The following ROR2 variants were observed in gnomAD, a reference collection of about 807,000 sequenced individuals.
The protein encoded by ROR2 is tyrosine-protein kinase transmembrane receptor ROR2.
In ROR2, 33 loss-of-function variants were observed where a neutral mutation model predicts 74.9. The ratio of observed to expected loss-of-function variants is 0.44; its 90% CI spans 0.33 to 0.59. The LOEUF is 0.59. Ranked by LOEUF, ROR2 falls within the 20% of genes least tolerant of loss-of-function variation. The probability of loss-of-function intolerance (pLI) is 0.02; values close to 1 mark genes in which losing one functional copy is unlikely to be tolerated. For synonymous variants in ROR2, 586 were observed against 558.7 expected, an observed-to-expected ratio of 1.05 and a Z score of -0.69; for missense variants, 1,216 against 1,313.8, an observed-to-expected ratio of 0.93 and a Z score of 1.15.
chr9:91,875,043 C>T (rs1829918316), intron 1 of ROR2, among the ~76,000 whole-genome samples: 2 of 152,092 alleles, frequency 1.3e-5, no homozygotes, highest in Non-Finnish European at 1.5e-5. Context: ...CTTACATGAT[C>T]TAAATGGAAC....
At chr9:91,807,322 G>A (rs1038080508) in intron 1 of ROR2, among the ~76,000 whole-genome samples, 8 of 152,220 alleles carry the variant, frequency 5.3e-5, no homozygotes, top group South Asian at 2.1e-4. Flanking sequence ...ACTCATCCAC[G>A]TGCTGGGAGG....
intron 4 of ROR2, among the ~76,000 whole-genome samples, chr9:91,750,561 A>G (rs1445042175): frequency 1.3e-5 from 2 of 152,218 alleles, no homozygotes; most frequent in East Asian, 1.9e-4. Flanking sequence ...CATTTACAAC[A>G]GCAGAATCAC....
intron 5 of ROR2, among the ~76,000 whole-genome samples, chr9:91,734,533 T>C (rs1564239319): frequency 6.6e-6 from 1 of 151,980 alleles, no homozygotes; most frequent in Non-Finnish European, 1.5e-5. Flanking sequence ...AAGGAAAGCG[T>C]GTAAGTGCTG....
intron 7 of ROR2, among the ~76,000 whole-genome samples, chr9:91,729,832 T>C (rs532127472): frequency 6.6e-6 from 1 of 152,356 alleles, no homozygotes; most frequent in African/African-American, 2.4e-5. Context: ...AGCAATGAAT[T>C]CTATTTTCGC....
intron 1 of ROR2, among the ~76,000 whole-genome samples, chr9:91,845,877 CAAAAAAAAAAAAAAAAAAAA>C (rs5899143): frequency 3.0e-5 from 1 of 33,872 alleles, no homozygotes. Flanking sequence ...GAATCCATCT[CAAAAAAAAAAAAAAAAAAAA>C]AAAAAAAAAA....
Position 91,912,726 on chromosome 9 carries a change from T to A in ROR2, c.97+37141A>T, listed in dbSNP as rs187881745. ...TCAGCTATAACTATTCCTTAAATAA[T>A]TTTTAAATGTAATATTTTAATATTG... On this transcript the variant is annotated intron_variant, in intron 1 of 8. Transcript: ENST00000375708. Among the ~76,000 whole-genome samples, 139 of 152,342 alleles carry A rather than the reference T, an allele frequency of 9.1e-4. 1 individual carries two copies. The highest frequency in any genetic ancestry group is 5.9e-4 in the Non-Finnish European group (40 of 68,030).
At chr9:91,903,277 T>A (rs1215147020) in intron 1 of ROR2, among the ~76,000 whole-genome samples, 1 of 152,080 alleles carries the variant, frequency 6.6e-6, no homozygotes, top group Non-Finnish European at 1.5e-5. Flanking sequence ...GGAACCCAGA[T>A]AGATGCTGCA....
intron 1 of ROR2, among the ~76,000 whole-genome samples, chr9:91,899,250 T>C (rs140415841): frequency 6.6e-6 from 1 of 152,290 alleles, no homozygotes; most frequent in African/African-American, 2.4e-5. Flanking sequence ...TAGGTGGCAT[T>C]ATCTGCTGGG....
chr9:91,732,405 C>G (rs1171388536), intron 6 of ROR2, among the ~76,000 whole-genome samples: 1 of 152,180 alleles, frequency 6.6e-6, no homozygotes, highest in Non-Finnish European at 1.5e-5. Flanking sequence ...GGAGCATGCT[C>G]TTCGTCCTGT....
chr9:91,796,161 G>C (rs1468467992), intron 1 of ROR2, among the ~76,000 whole-genome samples: 1 of 152,158 alleles, frequency 6.6e-6, no homozygotes, highest in African/African-American at 2.4e-5. Flanking sequence ...AACACTTTTG[G>C]CCAGGCACAG....
chr9:91,795,689 A>G (rs1187623839), intron 1 of ROR2, among the ~76,000 whole-genome samples: 1 of 152,206 alleles, frequency 6.6e-6, no homozygotes, highest in African/African-American at 2.4e-5. Flanking sequence ...TTTCACAGCC[A>G]GAAGCCCTAA....
rs747042000 is a variant in ROR2 at position 91,788,557 on chromosome 9, T to C, written c.98-12739A>G. Among the ~76,000 whole-genome samples the C allele has an allele frequency of 3.3e-5, 5 of 151,256 alleles. 1 individual carries two copies. The Middle Eastern group carries it at 0.014, about 412-fold the overall frequency. ...AGTGTTGGGGAAAAAAAAAAAAAGA[T>C]TTTTCAATCAAGAATTCAATATGCA... On this transcript the variant is annotated intron_variant, in intron 1 of 8. Transcript: ENST00000375708.
At chr9:91,795,386 C>T (rs956102340) in intron 1 of ROR2, among the ~76,000 whole-genome samples, 17 of 152,154 alleles carry the variant, frequency 1.1e-4, no homozygotes, top group Non-Finnish European at 1.8e-4. Context: ...TATTGTGGCA[C>T]TGATGTTGAA....
intron 1 of ROR2, among the ~76,000 whole-genome samples, chr9:91,906,204 C>A (rs1427387071): frequency 6.6e-6 from 1 of 152,160 alleles, no homozygotes; most frequent in Non-Finnish European, 1.5e-5. Flanking sequence ...CGTGCACTCG[C>A]AGCAGCCATG....
chr9:91,726,859 C>G, intron 7 of ROR2, 116 bp from the exon 8 acceptor site: 1 of 941,396 alleles, frequency 1.1e-6, no homozygotes. Flanking sequence ...TGTGTCATCA[C>G]CTAAGTTACA....
Position 91,751,206 on chromosome 9 carries a change from C to A in ROR2, c.494+4865G>T, listed in dbSNP as rs188503556. 5.9e-5 allele frequency among the ~76,000 whole-genome samples: 9 copies of A among 152,118 alleles called. No individual in the cohort carries two copies. In the East Asian group the frequency reaches 1.5e-3, roughly 26 times the overall value. On this transcript the variant is annotated intron_variant, in intron 4 of 8. Coordinates refer to ENST00000375708, the MANE Select transcript of ROR2 (RefSeq NM_004560.4). Reference sequence around the variant, plus strand: ...TCAGTGAAAAGAACTAACCTTCACTCGGCAGTCAATGCATGATTCAAGTGG... The same window carrying A: ...TCAGTGAAAAGAACTAACCTTCACTAGGCAGTCAATGCATGATTCAAGTGG...
intron 1 of ROR2, among the ~76,000 whole-genome samples, chr9:91,790,872 A>G (rs968457959): frequency 8.5e-5 from 13 of 152,256 alleles, no homozygotes; most frequent in Admixed American, 7.2e-4. Context: ...AAAACTGAAA[A>G]TAAGAAAGCT....
chr9:91,860,128 T>A (rs1193996267), intron 1 of ROR2, among the ~76,000 whole-genome samples: 1 of 152,180 alleles, frequency 6.6e-6, no homozygotes, highest in Admixed American at 6.5e-5. Flanking sequence ...AAGGCTCGGT[T>A]CCAGGCCCTT....
At chr9:91,802,105 G>T (rs1204152990) in intron 1 of ROR2, among the ~76,000 whole-genome samples, 1 of 129,750 alleles carries the variant, frequency 7.7e-6, no homozygotes, top group Non-Finnish European at 1.5e-5. Context: ...ATGGAGTCTC[G>T]CTCTGTTGCC....
Sources: gnomAD v4.1 joint callset for allele counts (sites outside exome capture counted in the v4.1 genomes callset) on GRCh38, gnomAD v4.1.1 for gene constraint, MANE v1.5 for transcripts, NCBI Gene and HGNC (gene_info 2026-07-23, HGNC 2026-07-21) for gene names.